ACBD6: variants seen among roughly 807,000 people sequenced by gnomAD.
ACBD6 encodes the protein acyl-CoA-binding domain-containing protein 6.
A neutral mutation model predicts 37.2 loss-of-function variants in ACBD6; 28 were observed. The ratio of observed to expected loss-of-function variants is 0.75; its 90% CI spans 0.56 to 1.03. The LOEUF is 1.03. Ranked by LOEUF, ACBD6 falls within the 50% of genes least tolerant of loss-of-function variation. The probability of loss-of-function intolerance (pLI) is 0.00; values close to 1 mark genes in which losing one functional copy is unlikely to be tolerated. For missense variants in ACBD6, 340 were observed against 337.4 expected (o/e 1.01, Z -0.06); for synonymous variants, 113 against 126.8 (o/e 0.89, Z 0.73).
intron 3 of ACBD6, among the ~76,000 whole-genome samples, chr1:180,441,518 T>C (rs1649279130): frequency 6.6e-6 from 1 of 152,246 alleles, no homozygotes; most frequent in Non-Finnish European, 1.5e-5. Context: ...GAACACAAGA[T>C]GAATTTCCAT....
chr1:180,361,475 C>CT (rs1652852103), intron 6 of ACBD6, among the ~76,000 whole-genome samples: 2 of 150,998 alleles, frequency 1.3e-5, no homozygotes, highest in South Asian at 4.2e-4. Context: ...TTTATAGACA[C>CT]TTTTTTAAAA....
At chr1:180,469,181 T>C (rs564113867) in intron 3 of ACBD6, among the ~76,000 whole-genome samples, 1 of 152,356 alleles carries the variant, frequency 6.6e-6, no homozygotes, top group South Asian at 2.1e-4. Context: ...TGTCAAGAAT[T>C]ACCCTGATTG....
intron 3 of ACBD6, among the ~76,000 whole-genome samples, chr1:180,451,225 T>C (rs1316381135): frequency 6.6e-6 from 1 of 152,162 alleles, no homozygotes; most frequent in Non-Finnish European, 1.5e-5. Context: ...CCCACTAGGA[T>C]GGCTACAATC....
Position 180,455,437 on chromosome 1 carries a change from G to A in ACBD6, c.385-25175C>T, listed in dbSNP as rs1649878067. On this transcript the variant is annotated intron_variant, in intron 3 of 7. Coordinates refer to ENST00000367595, the MANE Select transcript of ACBD6 (RefSeq NM_032360.4). ...TCTAATGTTGATGATGGGTTGATGG[G>A]TGCAGCAAATCATCATGGCACATGT... Among the ~76,000 whole-genome samples, 2 of 152,024 alleles carry A rather than the reference G, an allele frequency of 1.3e-5. 1 individual carries two copies. The highest frequency in any genetic ancestry group is 4.1e-4 in the South Asian group (2 of 4,822).
intron 7 of ACBD6, among the ~76,000 whole-genome samples, chr1:180,291,855 A>G (rs1649721331): frequency 6.6e-6 from 1 of 151,968 alleles, no homozygotes; most frequent in Non-Finnish European, 1.5e-5. Flanking sequence ...TTAATTTTTG[A>G]GTAGGCTTCA....
At chr1:180,351,822 G>A (rs1318297456) in intron 6 of ACBD6, among the ~76,000 whole-genome samples, 2 of 152,110 alleles carry the variant, frequency 1.3e-5, no homozygotes, top group Non-Finnish European at 2.9e-5. Context: ...ATTGAAAGCA[G>A]GGACTTGAAC....
In ACBD6 at chr1:180,502,489, C is replaced by G. The variant is rs1253305034; in HGVS notation, c.-223G>C. On this transcript the variant is annotated 5_prime_UTR_variant, in exon 1 of 8. Transcript: ENST00000367595. Reference sequence around the variant, plus strand: ...TCGACCCTCTGCCGCTCTGCCCAGTCGACCCGGTCTCCTCCGGCTTCCCTC... The same window carrying G: ...TCGACCCTCTGCCGCTCTGCCCAGTGGACCCGGTCTCCTCCGGCTTCCCTC... The G allele has an allele frequency of 1.7e-6, 1 of 587,422 alleles. No homozygotes were observed. Among genetic ancestry groups the G allele is most frequent in the Non-Finnish European group, 3.0e-6 (1 of 327,928 alleles). 36.4% of individuals were successfully genotyped at this position (587,422 alleles called of 1,614,324 possible).
At chr1:180,447,947 A>T (rs1485790819) in intron 3 of ACBD6, among the ~76,000 whole-genome samples, 1 of 152,182 alleles carries the variant, frequency 6.6e-6, no homozygotes, top group East Asian at 1.9e-4. Context: ...GACCATGATT[A>T]TAAGTAGGCA....
chr1:180,277,458 T>C (rs1054998257), intron 9 of ACBD6: 7 of 152,218 alleles, frequency 4.6e-5, no homozygotes, highest in Non-Finnish European at 2.9e-5. Flanking sequence ...TGGTCGACTT[T>C]AGAGTAGGAA....
At chr1:180,379,977 AC>A (rs1365883446) in intron 6 of ACBD6, among the ~76,000 whole-genome samples, 1 of 152,216 alleles carries the variant, frequency 6.6e-6, no homozygotes, top group African/African-American at 2.4e-5. Context: ...AAAGTCAAAG[AC>A]AGGCCAAGCA....
chr1:180,434,937 G>C (rs973376167), intron 3 of ACBD6: 2 of 786,964 alleles, frequency 2.5e-6, no homozygotes, highest in Non-Finnish European at 2.3e-6. Flanking sequence ...AGCCAACATT[G>C]AGACCACCAA....
At chr1:180,335,299 T>A (rs1370810915) in intron 6 of ACBD6, among the ~76,000 whole-genome samples, 1 of 152,158 alleles carries the variant, frequency 6.6e-6, no homozygotes, top group East Asian at 1.9e-4. Context: ...CCCGTCATAC[T>A]AACAGCTGAT....
At chr1:180,485,967 T>C (rs1006680179) in intron 3 of ACBD6, among the ~76,000 whole-genome samples, 1 of 151,978 alleles carries the variant, frequency 6.6e-6, no homozygotes, top group African/African-American at 2.4e-5. Context: ...ATGATTTTAA[T>C]GGATTTTTAT....
intron 5 of ACBD6, among the ~76,000 whole-genome samples, chr1:180,412,036 T>A (rs1399145514): frequency 3.3e-5 from 5 of 151,476 alleles, no homozygotes; most frequent in African/African-American, 1.2e-4. Flanking sequence ...ATTGCGATAG[T>A]CACTTTATTG....
At chr1:180,388,523 G>A (rs1653940552) in intron 6 of ACBD6, among the ~76,000 whole-genome samples, 1 of 152,072 alleles carries the variant, frequency 6.6e-6, no homozygotes, top group African/African-American at 2.4e-5. Flanking sequence ...AAAATTATAA[G>A]GAATCCACTA....
rs74579766 is a variant in ACBD6 at position 180,311,056 on chromosome 1, A to G, written c.694+3636T>C. ...AATGAACAGATTTGACAACAGAGAT[A>G]GTGTTTCTTTCCAGAACAGAGGGCA... On this transcript the variant is annotated intron_variant, in intron 7 of 7. Coordinates refer to ENST00000367595, the MANE Select transcript of ACBD6 (RefSeq NM_032360.4). Among the ~76,000 whole-genome samples, 1,234 of 152,300 alleles carry G rather than the reference A, an allele frequency of 8.1e-3. 22 individuals are homozygous for G. The highest frequency in any genetic ancestry group is 0.028 in the African/African-American group (1,165 of 41,568).
chr1:180,416,362 G>A (rs963484767), intron 4 of ACBD6, among the ~76,000 whole-genome samples: 1 of 151,996 alleles, frequency 6.6e-6, no homozygotes, highest in Non-Finnish European at 1.5e-5. Context: ...CTATATCCAT[G>A]CTTATTTGAA....
At position 180,469,814 on chromosome 1, in the gene ACBD6, G is replaced by A. The variant is rs978042307; in HGVS notation, c.384+22455C>T. On this transcript the variant is annotated intron_variant, in intron 3 of 7. Transcript: ENST00000367595. ...CATTGCATCCCGTTTATTTTTTGGT[G>A]GCATATTAATAAAATACTTGCCTCA... Among the ~76,000 whole-genome samples the A allele has an allele frequency of 2.0e-5, 3 of 151,984 alleles. 1 individual carries two copies. In the South Asian group the frequency reaches 6.2e-4, roughly 32 times the overall value.
intron 6 of ACBD6, among the ~76,000 whole-genome samples, chr1:180,337,178 A>G (rs1651757059): frequency 6.6e-6 from 1 of 152,198 alleles, no homozygotes; most frequent in African/African-American, 2.4e-5. Context: ...CCTGATACCA[A>G]AGCCTGGCAG....
Sources: gnomAD v4.1 joint callset for allele counts (sites outside exome capture counted in the v4.1 genomes callset) on GRCh38, gnomAD v4.1.1 for gene constraint, MANE v1.5 for transcripts, NCBI Gene and HGNC (gene_info 2026-07-23, HGNC 2026-07-21) for gene names.